DSCAML1: variants seen among roughly 807,000 people sequenced by gnomAD.
DSCAML1 encodes DS cell adhesion molecule like 1, also known as cell adhesion molecule DSCAML1.
Under a neutral mutation model 200.5 loss-of-function variants are expected in DSCAML1, and 38 were observed. The observed-to-expected ratio is 0.19, with a 90% CI of 0.15 to 0.25. The LOEUF (loss-of-function observed/expected upper bound fraction) is 0.25. Among genes scored for constraint, DSCAML1 ranks in the 10% least tolerant of loss-of-function variants. DSCAML1 has a pLI of 1.00. For missense variants in DSCAML1, 2,223 were observed against 2,858.8 expected (o/e 0.78, Z 5.07); for synonymous variants, 1,215 against 1,165.0 (o/e 1.04, Z -0.87).
intron 3 of DSCAML1, among the ~76,000 whole-genome samples, chr11:117,599,860 C>T (rs996433590): frequency 6.6e-6 from 1 of 152,224 alleles, no homozygotes. Context: ...GCATCCGGGA[C>T]TCATCTGGCT....
At chr11:117,691,958 C>CTTTT (rs760967080) in intron 3 of DSCAML1, among the ~76,000 whole-genome samples, 1 of 151,492 alleles carries the variant, frequency 6.6e-6, no homozygotes, top group African/African-American at 2.4e-5. Context: ...TCTGAAATGA[C>CTTTT]TTTTTTTTTA....
chr11:117,657,429 C>T (rs1347069453), intron 3 of DSCAML1, among the ~76,000 whole-genome samples: 21 of 152,226 alleles, frequency 1.4e-4, no homozygotes, highest in Admixed American at 1.4e-3. Flanking sequence ...ATGTGGCTTG[C>T]TTCAAAATTC....
In DSCAML1 at chr11:117,480,660, G is replaced by C. The variant is rs2048896243; in HGVS notation, c.2657-89C>G. On this transcript the variant is annotated intron_variant, in intron 13 of 32. Transcript: ENST00000651296. This position sits in a 1 kb window ranked among gnomAD's most constrained non-coding sequence, Gnocchi z 4.1. ...GGCCCTGAGGATTGGCATCACCTGG[G>C]TCTAGCCAAGGACTCTGGCACCCTA... 26 of 1,479,276 alleles carry C rather than the reference G, an allele frequency of 1.8e-5. No homozygotes were observed. The highest frequency in any genetic ancestry group is 2.3e-5 in the Non-Finnish European group (25 of 1,094,530). 91.6% of individuals were successfully genotyped at this position (1,479,276 alleles called of 1,614,324 possible). A position where few individuals can be genotyped will look rare whatever the true frequency, so the allele number is the denominator to read the frequency against.
chr11:117,625,241 C>A (rs555822534), intron 3 of DSCAML1, among the ~76,000 whole-genome samples: 1 of 151,962 alleles, frequency 6.6e-6, no homozygotes, highest in Non-Finnish European at 1.5e-5. Flanking sequence ...ATTTCAGGCC[C>A]GGGGAAAGTA....
chr11:117,673,922 G>A (rs1446548589), intron 3 of DSCAML1, among the ~76,000 whole-genome samples: 1 of 152,236 alleles, frequency 6.6e-6, no homozygotes, highest in Non-Finnish European at 1.5e-5. Flanking sequence ...CACACGTGCA[G>A]GCTGGAGCTG....
intron 3 of DSCAML1, among the ~76,000 whole-genome samples, chr11:117,626,668 C>A (rs188653050): frequency 1.6e-4 from 25 of 152,272 alleles, no homozygotes; most frequent in African/African-American, 5.1e-4. Context: ...AACAAGCGCT[C>A]TCTATGCAGG....
intron 3 of DSCAML1, among the ~76,000 whole-genome samples, chr11:117,762,675 C>T (rs2054824152): frequency 6.6e-6 from 1 of 152,014 alleles, no homozygotes; most frequent in East Asian, 1.9e-4. Context: ...CCAGACTGGC[C>T]AACATGGTGA....
chr11:117,773,605 G>GA (rs1215763774), intron 3 of DSCAML1, among the ~76,000 whole-genome samples: 1 of 151,160 alleles, frequency 6.6e-6, no homozygotes, highest in Non-Finnish European at 1.5e-5. Flanking sequence ...ATGGTTAGTG[G>GA]AAAAAAATCC....
At chr11:117,496,210 C>T (rs1172096490) in intron 11 of DSCAML1, among the ~76,000 whole-genome samples, 1 of 152,192 alleles carries the variant, frequency 6.6e-6, no homozygotes, top group Admixed American at 6.5e-5. Context: ...AAGGTCAGTT[C>T]CAGCTTCCTA....
intron 3 of DSCAML1, among the ~76,000 whole-genome samples, chr11:117,730,055 T>C (rs1382927964): frequency 6.6e-6 from 1 of 152,080 alleles, no homozygotes; most frequent in Non-Finnish European, 1.5e-5. Context: ...AAAAATAAGC[T>C]GGGCGTGGTG....
rs564465658 is a variant in DSCAML1, at chr11:117,530,004, C to CGCTTCCT, written c.658+2365_658+2371dup. On this transcript the variant is annotated intron_variant, in intron 4 of 32. Transcript: ENST00000651296. Reference sequence around the variant, plus strand: ...GCCCCCTCCCTGGAGCCCCGTCGCTCGCTTCCTTTGTCTCTGTGCATGTCC... The same window carrying CGCTTCCT: ...GCCCCCTCCCTGGAGCCCCGTCGCTCGCTTCCTGCTTCCTTTGTCTCTGTGCATGTCC... Among the ~76,000 whole-genome samples the CGCTTCCT allele has an allele frequency of 1.8e-4, 28 of 152,178 alleles. No individual in the cohort carries two copies. The East Asian group carries it at 5.5e-3, about 30-fold the overall frequency.
At chr11:117,802,470 G>C (rs2055669931) in intron 1 of DSCAML1, among the ~76,000 whole-genome samples, 1 of 152,218 alleles carries the variant, frequency 6.6e-6, no homozygotes, top group South Asian at 2.1e-4. Flanking sequence ...CACTCAGTAA[G>C]TGTTGATTTA....
At chr11:117,765,856 C>A (rs1440679380) in intron 3 of DSCAML1, among the ~76,000 whole-genome samples, 1 of 152,152 alleles carries the variant, frequency 6.6e-6, no homozygotes, top group East Asian at 1.9e-4. Context: ...GAGGCCAGAG[C>A]CCACAGGATT....
At chr11:117,542,223 C>T (rs758224195) in intron 3 of DSCAML1, among the ~76,000 whole-genome samples, 2 of 152,028 alleles carry the variant, frequency 1.3e-5, no homozygotes, top group African/African-American at 2.4e-5. Flanking sequence ...ACAGGAGAAT[C>T]GCTTGAATCC....
chr11:117,735,010 G>T (rs1165666589), intron 3 of DSCAML1, among the ~76,000 whole-genome samples: 1 of 152,166 alleles, frequency 6.6e-6, no homozygotes, highest in Non-Finnish European at 1.5e-5. Context: ...GTTTAATGGG[G>T]ATTCAGGTCA....
intron 3 of DSCAML1, among the ~76,000 whole-genome samples, chr11:117,663,127 A>C (rs2052895546): frequency 6.6e-6 from 1 of 152,188 alleles, no homozygotes; most frequent in Admixed American, 6.5e-5. Flanking sequence ...ATCTTTCAGC[A>C]TGAGACCCAC....
Position 117,521,222 on chromosome 11 carries a change from G to A in DSCAML1, c.1121C>T (p.Thr374Ile). 1.2e-6 allele frequency: 2 copies of A among 1,614,174 alleles called. No homozygotes were observed. Among genetic ancestry groups the A allele is most frequent in the Non-Finnish European group, 1.7e-6 (2 of 1,180,040 alleles). The change falls in exon 6 of 33, where the codon ACC (threonine) becomes ATC (isoleucine). Residue 374 changes from threonine (T) to isoleucine (I), a missense_variant. By Grantham distance (89) the Thr-to-Ile change is moderately conservative (BLOSUM62 -1). Coordinates refer to ENST00000651296, the MANE Select transcript of DSCAML1 (RefSeq NM_020693.4). ...CCCGGAATGGCTCTTCTGGGCCGAG[G>A]TGATGAGCAGCGTCTCGTTGCTGAG... ...RGLSNETLLI[T>I]SAQKSHSGAY...
At chr11:117,732,733 G>A (rs951146552) in intron 3 of DSCAML1, among the ~76,000 whole-genome samples, 1 of 152,158 alleles carries the variant, frequency 6.6e-6, no homozygotes, top group Non-Finnish European at 1.5e-5. Context: ...AGAGCACAGT[G>A]ACGACTGCCC....
intron 3 of DSCAML1, among the ~76,000 whole-genome samples, chr11:117,599,961 T>C (rs957507799): frequency 3.3e-5 from 5 of 152,172 alleles, no homozygotes; most frequent in Non-Finnish European, 7.4e-5. Flanking sequence ...GGCTCTGTAT[T>C]TGAATCTGGG....
Sources: gnomAD v4.1 joint callset for allele counts (sites outside exome capture counted in the v4.1 genomes callset) on GRCh38, gnomAD v4.1.1 for gene constraint, Gnocchi (gnomAD v3.1) non-coding constraint, MANE v1.5 for transcripts, NCBI Gene and HGNC (gene_info 2026-07-23, HGNC 2026-07-21) for gene names.